Variants in UNC13C observed in about 807,000 individuals in gnomAD.
UNC13C encodes protein unc-13 homolog C.
UNC13C carries 174 observed loss-of-function variants against 245.4 expected under a neutral mutation model. That is an observed-to-expected ratio of 0.71 (90% confidence interval 0.63 to 0.80). The LOEUF is 0.80. UNC13C is among the 30% of genes least tolerant of loss of function. UNC13C has a pLI of 0.00. For synonymous variants in UNC13C, 992 were observed against 895.1 expected (o/e 1.11, Z -1.93); for missense variants, 2,829 against 2,602.9 (o/e 1.09, Z -1.89).
At chr15:54,429,679 A>T (rs1413742104) in intron 19 of UNC13C, among the ~76,000 whole-genome samples, 1 of 151,636 alleles carries the variant, frequency 6.6e-6, no homozygotes, top group East Asian at 1.9e-4. Flanking sequence ...CACAAGGTAC[A>T]TTCAGATTTT....
intron 24 of UNC13C, among the ~76,000 whole-genome samples, chr15:54,516,539 G>A (rs556491490): frequency 2.2e-4 from 33 of 152,172 alleles, no homozygotes; most frequent in Middle Eastern, 3.4e-3. Context: ...GTGGTAGCTC[G>A]TTCCTGTAAT....
At chr15:54,209,054 T>C (rs2034798641) in intron 4 of UNC13C, among the ~76,000 whole-genome samples, 1 of 152,116 alleles carries the variant, frequency 6.6e-6, no homozygotes, top group Non-Finnish European at 1.5e-5. Flanking sequence ...TCAGTGCTCC[T>C]GTCCTGAAAG....
chr15:54,195,635 A>T (rs1055302496), intron 4 of UNC13C, among the ~76,000 whole-genome samples: 8 of 152,228 alleles, frequency 5.3e-5, no homozygotes, highest in African/African-American at 1.9e-4. Flanking sequence ...AATATTGAGG[A>T]TCCCCTAATA....
intron 2 of UNC13C, among the ~76,000 whole-genome samples, chr15:54,121,926 T>A (rs1248410176): frequency 6.6e-6 from 1 of 152,064 alleles, no homozygotes; most frequent in East Asian, 1.9e-4. Context: ...ATTTTTGTAT[T>A]GTATTACCTA....
At chr15:54,016,925 A>G (rs1895686224) in intron 2 of UNC13C, among the ~76,000 whole-genome samples, 1 of 152,228 alleles carries the variant, frequency 6.6e-6, no homozygotes, top group African/African-American at 2.4e-5. Flanking sequence ...ACTTGCTATT[A>G]TCAAATAACA....
At chr15:53,959,282 T>C in the UNC13C span, among the ~76,000 whole-genome samples, 1 of 151,424 alleles carries the variant, frequency 6.6e-6, no homozygotes, top group Non-Finnish European at 1.5e-5. Flanking sequence ...GATATACTGT[T>C]TTTTTTTTCT....
chr15:54,513,000 A>G (rs1273057059), intron 24 of UNC13C, among the ~76,000 whole-genome samples: 2 of 152,200 alleles, frequency 1.3e-5, no homozygotes, highest in Non-Finnish European at 2.9e-5. Flanking sequence ...ATGAACCTTT[A>G]TGAGCTGTGC....
chr15:53,996,920 C>T (rs62009769), intron 1 of UNC13C, among the ~76,000 whole-genome samples: 24,158 of 150,288 alleles, frequency 0.16, 2,509 homozygotes, highest in Admixed American at 0.26. Flanking sequence ...GTTTATTTCT[C>T]ATGGGTGAGT....
intron 1 of UNC13C, among the ~76,000 whole-genome samples, chr15:53,992,041 G>A (rs1005681224): frequency 3.3e-5 from 5 of 151,876 alleles, no homozygotes; most frequent in Non-Finnish European, 5.9e-5. Context: ...TTTCTCTACC[G>A]TTTTCCATAC....
intron 4 of UNC13C, among the ~76,000 whole-genome samples, chr15:54,215,535 A>C (rs1345053654): frequency 6.6e-6 from 1 of 152,020 alleles, no homozygotes; most frequent in Non-Finnish European, 1.5e-5. Context: ...AAGCCTGCCT[A>C]AAGTGTTAAG....
At chr15:54,308,925 G>C (rs1000476450) in intron 13 of UNC13C, among the ~76,000 whole-genome samples, 1 of 151,660 alleles carries the variant, frequency 6.6e-6, no homozygotes, top group Non-Finnish European at 1.5e-5. Context: ...CAGTTACATT[G>C]ATTTCATATC....
At chr15:54,506,485 C>T (rs1894481989) in intron 22 of UNC13C, among the ~76,000 whole-genome samples, 1 of 151,976 alleles carries the variant, frequency 6.6e-6, no homozygotes, top group Non-Finnish European at 1.5e-5. Flanking sequence ...GGTCAACTTT[C>T]TATTTGAGCT....
At chr15:54,222,679 T>C (rs974105128) in intron 4 of UNC13C, among the ~76,000 whole-genome samples, 2 of 152,092 alleles carry the variant, frequency 1.3e-5, no homozygotes, top group Non-Finnish European at 2.9e-5. Flanking sequence ...CTGATCTCCA[T>C]AGTGCTTGTG....
At chr15:54,609,592 A>G (rs1480662958) in intron 30 of UNC13C, 1 of 152,204 alleles carries the variant, frequency 6.6e-6, no homozygotes, top group African/African-American at 2.4e-5. Flanking sequence ...AACAATTCAG[A>G]TAATATGAGA....
chr15:54,231,048 A>G (rs754936309), intron 4 of UNC13C, among the ~76,000 whole-genome samples: 33 of 152,012 alleles, frequency 2.2e-4, no homozygotes, highest in Non-Finnish European at 4.0e-4. Flanking sequence ...CTATAGTCTA[A>G]TAAGTCTTTA....
intron 19 of UNC13C, among the ~76,000 whole-genome samples, chr15:54,457,555 T>TG (rs1891599228): frequency 6.6e-6 from 1 of 152,074 alleles, no homozygotes. Flanking sequence ...GTCTTGCTAC[T>TG]TGTTCTTGCT....
intron 30 of UNC13C, among the ~76,000 whole-genome samples, chr15:54,578,684 A>T (rs540382267): frequency 6.6e-6 from 1 of 152,354 alleles, no homozygotes; most frequent in East Asian, 1.9e-4. Flanking sequence ...GAGTCTCAGA[A>T]CAGCCCTCTA....
At chr15:54,221,680 C>T (rs909151444) in intron 4 of UNC13C, among the ~76,000 whole-genome samples, 1 of 151,990 alleles carries the variant, frequency 6.6e-6, no homozygotes, top group South Asian at 2.1e-4. Context: ...TAAGATTAAT[C>T]ACATAGCCCT....
At chr15:54,572,746 C>A (rs1170835908) in intron 30 of UNC13C, among the ~76,000 whole-genome samples, 3 of 151,970 alleles carry the variant, frequency 2.0e-5, no homozygotes, top group Non-Finnish European at 4.4e-5. Flanking sequence ...ATTTTTAATT[C>A]ATGTTCTGTG....
Sources: gnomAD v4.1 joint callset for allele counts (sites outside exome capture counted in the v4.1 genomes callset) on GRCh38, gnomAD v4.1.1 for gene constraint, MANE v1.5 for transcripts, NCBI Gene and HGNC (gene_info 2026-07-23, HGNC 2026-07-21) for gene names.